Variants in CENPE observed in about 807,000 individuals in gnomAD.
CENPE encodes centromere-associated protein E.
CENPE carries 145 observed loss-of-function variants against 336.1 expected under a neutral mutation model. The observed-to-expected ratio is 0.43, with a 90% confidence interval of 0.38 to 0.50. The LOEUF (loss-of-function observed/expected upper bound fraction) is 0.50. CENPE is among the 20% of genes least tolerant of loss of function. CENPE has a pLI of 0.00. For synonymous variants in CENPE, 1,013 were observed against 984.8 expected (o/e 1.03, Z -0.54); for missense variants, 2,719 against 3,023.3 (o/e 0.90, Z 2.36).
chr4:103,173,209 A>T (rs77277483), intron 16 of CENPE, among the ~76,000 whole-genome samples: 2 of 152,184 alleles, frequency 1.3e-5, no homozygotes, highest in East Asian at 3.9e-4. Context: ...ATGCATATAC[A>T]GTCAACTGAT....
intron 42 of CENPE, among the ~76,000 whole-genome samples, chr4:103,130,502 TAAAAA>T (rs1207397818): frequency 6.6e-6 from 1 of 151,998 alleles, no homozygotes; most frequent in Non-Finnish European, 1.5e-5. Flanking sequence ...CAAACTCTTA[TAAAAA>T]AATAAAAGAA....
chr4:103,185,783 C>A, intron 9 of CENPE, 27 bp downstream of exon 9: 1 of 1,573,656 alleles, frequency 6.4e-7, no homozygotes, highest in Non-Finnish European at 8.7e-7. Context: ...GACATTAAGA[C>A]TAACATATTT....
intron 9 of CENPE, among the ~76,000 whole-genome samples, chr4:103,185,055 A>C (rs1013731373): frequency 3.9e-5 from 6 of 152,178 alleles, no homozygotes; most frequent in Non-Finnish European, 8.8e-5. Context: ...TTGTAATCCC[A>C]GAACTTTGGG....
At chr4:103,162,553 C>T (rs929755226) in intron 18 of CENPE, among the ~76,000 whole-genome samples, 2 of 150,098 alleles carry the variant, frequency 1.3e-5, no homozygotes, top group African/African-American at 2.4e-5. Context: ...GAAAAAAATT[C>T]GGAATTTTAA....
chr4:103,118,365 CA>C (rs1307860278), intron 44 of CENPE, among the ~76,000 whole-genome samples: 2 of 152,118 alleles, frequency 1.3e-5, no homozygotes, highest in Non-Finnish European at 2.9e-5. Flanking sequence ...GGTCTTTTGC[CA>C]ATTTTAAGAT....
chr4:103,108,876 A>G lies in CENPE; in HGVS notation c.7938T>C (p.Asp2646=). ...GTGATGGTAAAGACTTTGATCGGCT[A>G]TCAAAAAAACAAGATTTTGGTGATT... ...PKESPKSCFF[D]SRSKSLPSPH... is the part of the protein sequence containing the mutation. Residue 2646 remains aspartate (D), a synonymous_variant, in exon 48 of 49, where the codon GAT becomes GAC. Transcript: ENST00000265148. 6.2e-7 allele frequency: 1 copy of G among 1,613,974 alleles called. No individual in the cohort carries two copies. Among genetic ancestry groups the G allele is most frequent in the South Asian group, 1.1e-5 (1 of 91,072 alleles).
intron 42 of CENPE, among the ~76,000 whole-genome samples, chr4:103,129,428 C>A (rs1751395265): frequency 6.6e-6 from 1 of 152,048 alleles, no homozygotes; most frequent in Non-Finnish European, 1.5e-5. Flanking sequence ...AAACTACAGA[C>A]CAGTATCTCC....
At chr4:103,186,521 T>C (rs747839696) in intron 8 of CENPE, among the ~76,000 whole-genome samples, 1 of 152,220 alleles carries the variant, frequency 6.6e-6, no homozygotes, top group Non-Finnish European at 1.5e-5. Flanking sequence ...ATGACTTTAC[T>C]GTGGCATCTT....
intron 5 of CENPE, 80 bp downstream of exon 5, chr4:103,195,034 A>G: frequency 7.8e-7 from 1 of 1,280,486 alleles, no homozygotes; most frequent in South Asian, 1.7e-5. Flanking sequence ...TAAAAACTAT[A>G]GAAATTAAAG....
Position 103,193,465 on chromosome 4 carries a change from A to T in CENPE, c.693+764T>A, listed in dbSNP as rs1192090916. Among the ~76,000 whole-genome samples, 8 of 152,264 alleles carry T rather than the reference A, an allele frequency of 5.3e-5. No individual in the cohort carries two copies. The South Asian group carries it at 6.2e-4, about 12-fold the overall frequency. ...TTTTTTCCCTGAAGTTTTCTAATCA[A>T]ATAATCTTAAATCATATCCCACATC... On this transcript the variant is annotated intron_variant, in intron 8 of 48. Coordinates refer to ENST00000265148, the MANE Select transcript of CENPE (RefSeq NM_001813.3).
At chr4:103,178,710 T>C (rs917824404) in intron 13 of CENPE, among the ~76,000 whole-genome samples, 2 of 152,220 alleles carry the variant, frequency 1.3e-5, no homozygotes, top group African/African-American at 4.8e-5. Context: ...AATATGACAC[T>C]GCTGACCACT....
chr4:103,157,059 C>CAAAAAAAAAAAAAAAAAAAAA (rs34199706), intron 24 of CENPE, among the ~76,000 whole-genome samples: 1 of 98,038 alleles, frequency 1.0e-5, no homozygotes, highest in Non-Finnish European at 2.1e-5. Context: ...TGGCTACTAT[C>CAAAAAAAAAAAAAAAAAAAAA]AAAAAAAAAA....
chr4:103,116,491 TA>T (rs2125853102), intron 45 of CENPE, 85 bp downstream of exon 45: 1 of 576,162 alleles, frequency 1.7e-6, no homozygotes, highest in African/African-American at 1.9e-5. Context: ...AATTATATTT[TA>T]AAAAGTTAAC....
At chr4:103,154,494 T>G (rs967035020) in intron 24 of CENPE, among the ~76,000 whole-genome samples, 5 of 152,172 alleles carry the variant, frequency 3.3e-5, no homozygotes, top group Non-Finnish European at 7.4e-5. Flanking sequence ...GTTGGCAATA[T>G]GCATGAGCTT....
At chr4:103,151,766 A>G (rs1753591432) in intron 25 of CENPE, among the ~76,000 whole-genome samples, 1 of 152,186 alleles carries the variant, frequency 6.6e-6, no homozygotes, top group East Asian at 1.9e-4. Context: ...ACTGCCAGCG[A>G]GCTCAAAATG....
Position 103,144,366 on chromosome 4 carries a change from G to C in CENPE, c.5110C>G (p.Gln1704Glu). ...VEETLKVERD[Q>E]LKENLRETIT... is the part of the protein sequence containing the mutation. ...GTTTCTCTAAGGTTTTCCTTGAGCT[G>C]GTCTCTCTCTACTTTGAGAGTCTCC... is the stretch of plus-strand genomic sequence containing the variant. The change falls in exon 33 of 49, where the codon CAG becomes GAG. Residue 1704 changes from glutamine (Q) to glutamate (E), a missense_variant. Transcript: ENST00000265148. 1 of 1,611,668 alleles carries C rather than the reference G, an allele frequency of 6.2e-7. No individual in the cohort carries two copies. The highest frequency in any genetic ancestry group is 8.5e-7 in the Non-Finnish European group (1 of 1,179,308).
At chr4:103,181,838 G>A (rs1233352537) in intron 11 of CENPE, 1 of 158,772 alleles carries the variant, frequency 6.3e-6, no homozygotes, top group Non-Finnish European at 1.4e-5. Context: ...AGGCAATTAT[G>A]TTGCAAGACA....
At chr4:103,119,696 G>T (rs187839851) in intron 44 of CENPE, among the ~76,000 whole-genome samples, 1 of 152,200 alleles carries the variant, frequency 6.6e-6, no homozygotes, top group East Asian at 1.9e-4. Flanking sequence ...ATGAGTGTGT[G>T]ATTTGTCTAA....
At chr4:103,171,406 G>T (rs932503695) in intron 16 of CENPE, among the ~76,000 whole-genome samples, 1 of 151,814 alleles carries the variant, frequency 6.6e-6, no homozygotes, top group Non-Finnish European at 1.5e-5. Flanking sequence ...AATTAAACAC[G>T]CTCCTGAACA....
Sources: allele counts gnomAD v4.1 joint callset (sites outside exome capture counted in the v4.1 genomes callset), GRCh38; gene constraint gnomAD v4.1.1; transcripts MANE v1.5; gene names NCBI Gene and HGNC (gene_info 2026-07-23, HGNC 2026-07-21).